The following ARHGAP29 variants were observed in gnomAD, a reference collection of about 807,000 sequenced individuals.
The protein encoded by ARHGAP29 is rho GTPase-activating protein 29.
ARHGAP29 carries 43 observed loss-of-function variants against 122.6 expected under a neutral mutation model. That is an observed-to-expected ratio of 0.35 (90% CI 0.27 to 0.45). The LOEUF (loss-of-function observed/expected upper bound fraction) is 0.45, where lower values mean the gene tolerates loss of function less well. Ranked by LOEUF, ARHGAP29 falls within the 20% of genes least tolerant of loss-of-function variation. ARHGAP29 has a pLI of 1.00. For missense variants in ARHGAP29, 1,303 were observed against 1,477.2 expected, an observed-to-expected ratio of 0.88 and a Z score of 1.93; for synonymous variants, 506 against 497.1, an observed-to-expected ratio of 1.02 and a Z score of -0.24.
At chr1:94,209,756 G>A (rs911181805) in intron 3 of ARHGAP29, among the ~76,000 whole-genome samples, 3 of 151,968 alleles carry the variant, frequency 2.0e-5, no homozygotes, top group Non-Finnish European at 4.4e-5. Flanking sequence ...GTAGCTCACT[G>A]AAGGCAATAT....
upstream of ARHGAP29, among the ~76,000 whole-genome samples, chr1:94,278,804 C>A (rs775676862): frequency 1.8e-4 from 28 of 152,268 alleles, no homozygotes; most frequent in Admixed American, 1.4e-3. Flanking sequence ...AGTATGCATG[C>A]CAGCCTGGAA....
Position 94,169,295 on chromosome 1 carries a change from T to G in ARHGAP29, c.*4574A>C, listed in dbSNP as rs1162116047. ...ACATCACTGGGGTCAAAGATTCAGC[T>G]GCCATGGTCCAGGCTCCAGGCTGGG... On this transcript the variant is annotated 3_prime_UTR_variant, in exon 23 of 23. Transcript: ENST00000260526. Among the ~76,000 whole-genome samples the G allele has an allele frequency of 1.3e-5, 2 of 152,170 alleles. No homozygotes were observed. The highest frequency in any genetic ancestry group is 2.4e-5 in the African/African-American group (1 of 41,452).
chr1:94,246,679 G>A (rs1653810696), intron 1 of ARHGAP29, among the ~76,000 whole-genome samples: 1 of 152,160 alleles, frequency 6.6e-6, no homozygotes, highest in South Asian at 2.1e-4. Context: ...AGACAAGGGA[G>A]GAACGTCCTT....
At chr1:94,211,424 C>T (rs571853861) in intron 3 of ARHGAP29, among the ~76,000 whole-genome samples, 63 of 151,402 alleles carry the variant, frequency 4.2e-4, no homozygotes, top group African/African-American at 1.5e-3. Flanking sequence ...ATTTCAATAA[C>T]CCTTCGCAAT....
In ARHGAP29 at chr1:94,203,070, AGTGCATT is replaced by A. The variant is rs1369878730; in HGVS notation, c.873+23_873+29del. On this transcript the variant is annotated intron_variant, in intron 9 of 22. Transcript: ENST00000260526. ...TGGCATGCCATTGCTTAAAAATAAA[AGTGCATT>A]ATACATATAAATTAATCTTTACCTG... 3 of 1,594,592 alleles carry A rather than the reference AGTGCATT, an allele frequency of 1.9e-6. No individual in the cohort carries two copies. In the African/African-American group the frequency reaches 4.1e-5, roughly 22 times the overall value.
At chr1:94,236,421 C>A (rs1653260690) in intron 1 of ARHGAP29, among the ~76,000 whole-genome samples, 1 of 152,088 alleles carries the variant, frequency 6.6e-6, no homozygotes, top group Admixed American at 6.6e-5. Context: ...AAGAATGGAG[C>A]AACCAAAATG....
intron 7 of ARHGAP29, among the ~76,000 whole-genome samples, chr1:94,204,427 G>A (rs1017091141): frequency 5.3e-5 from 8 of 152,102 alleles, no homozygotes; most frequent in African/African-American, 1.9e-4. Context: ...CCCTCTACAA[G>A]ACTATTCAGG....
At chr1:94,285,406 A>G in the ARHGAP29 span, among the ~76,000 whole-genome samples, 1 of 152,158 alleles carries the variant, frequency 6.6e-6, no homozygotes, top group Non-Finnish European at 1.5e-5. Flanking sequence ...AGATTAGTTA[A>G]TAGGGAATTA....
intron 14 of ARHGAP29, 100 bp downstream of exon 14, chr1:94,189,116 G>A: frequency 6.9e-7 from 1 of 1,450,572 alleles, no homozygotes; most frequent in Non-Finnish European, 9.3e-7. Context: ...TACAAACTAA[G>A]GCCTGATTTT....
the ARHGAP29 span, among the ~76,000 whole-genome samples, chr1:94,284,087 A>G: frequency 9.2e-4 from 1 of 1,088 alleles, no homozygotes; most frequent in African/African-American, 1.2e-3. Flanking sequence ...CAGAAATGGG[A>G]AAAAAAAAAA....
chr1:94,277,035 T>C (rs940826303), upstream of ARHGAP29, among the ~76,000 whole-genome samples: 1 of 152,284 alleles, frequency 6.6e-6, no homozygotes, highest in South Asian at 2.1e-4. Flanking sequence ...AAATTGTTAC[T>C]GTGGCCTTTA....
chr1:94,258,430 G>A (rs996688515), intron 1 of ARHGAP29, among the ~76,000 whole-genome samples: 18 of 152,212 alleles, frequency 1.2e-4, no homozygotes, highest in African/African-American at 2.4e-5. Context: ...AAAATCATGA[G>A]AGGTGGAATC....
chr1:94,207,832 A>AT (rs561446806), intron 5 of ARHGAP29, among the ~76,000 whole-genome samples: 198 of 146,580 alleles, frequency 1.4e-3, no homozygotes, highest in African/African-American at 3.3e-3. Flanking sequence ...CAAATATTTG[A>AT]TTTTTTTTTT....
At chr1:94,289,842 C>A in the ARHGAP29 span, among the ~76,000 whole-genome samples, 1 of 152,194 alleles carries the variant, frequency 6.6e-6, no homozygotes, top group Non-Finnish European at 1.5e-5. Flanking sequence ...GGGATGAAGA[C>A]AACTTGATTG....
rs1044562325 is a variant in ARHGAP29 at position 94,169,580 on chromosome 1, G to A, written c.*4289C>T. ...AATGTGAACTCAAAGTTTTCAATAC[G>A]TATGTATATAAATAGATATAGAAGT... is the stretch of plus-strand genomic sequence containing the variant. On this transcript the variant is annotated 3_prime_UTR_variant, in exon 23 of 23. Coordinates refer to ENST00000260526, the MANE Select transcript of ARHGAP29 (RefSeq NM_004815.4). Among the ~76,000 whole-genome samples the A allele has an allele frequency of 6.6e-5, 10 of 152,182 alleles. No individual in the cohort carries two copies. The highest frequency in any genetic ancestry group is 5.2e-4 in the Admixed American group (8 of 15,284).
chr1:94,231,698 A>G, intron 1 of ARHGAP29, 55 bp from the exon 2 acceptor site: 5 of 1,323,984 alleles, frequency 3.8e-6, no homozygotes, highest in Non-Finnish European at 5.2e-6. Context: ...AAGAAACACA[A>G]AAACTAAATC....
At chr1:94,199,517 A>T (rs928440936) in intron 12 of ARHGAP29, among the ~76,000 whole-genome samples, 1 of 152,224 alleles carries the variant, frequency 6.6e-6, no homozygotes, top group Non-Finnish European at 1.5e-5. Context: ...CCAAGGGCAC[A>T]GCTAGGATCA....
At chr1:94,302,486 T>C in the ARHGAP29 span, 60 of 353,172 alleles carry the variant, frequency 1.7e-4, no homozygotes, top group South Asian at 5.0e-4. Context: ...ACCAGCTGCC[T>C]AACCTCCTGG....
chr1:94,207,527 A>T (rs1381275783), intron 5 of ARHGAP29, among the ~76,000 whole-genome samples: 3 of 123,988 alleles, frequency 2.4e-5, no homozygotes, highest in African/African-American at 8.7e-5. Flanking sequence ...TCACACCTAA[A>T]ATTTAAATTG....
Sources: gnomAD v4.1 joint callset for allele counts (sites outside exome capture counted in the v4.1 genomes callset) on GRCh38, gnomAD v4.1.1 for gene constraint, MANE v1.5 for transcripts, NCBI Gene and HGNC (gene_info 2026-07-23, HGNC 2026-07-21) for gene names.